PLPPR3: variants seen among roughly 807,000 people sequenced by gnomAD.
The protein encoded by PLPPR3 is phospholipid phosphatase-related protein type 3.
A neutral mutation model predicts 27.3 loss-of-function variants in PLPPR3; 14 were observed. The observed-to-expected ratio is 0.51, with a 90% CI of 0.34 to 0.80. The LOEUF is 0.80. Among genes scored for constraint, PLPPR3 ranks in the 30% least tolerant of loss-of-function variants. PLPPR3 has a pLI of 0.01. For missense variants in PLPPR3, 1,287 were observed against 1,056.9 expected (o/e 1.22, Z -3.02); for synonymous variants, 671 against 508.0 (o/e 1.32, Z -4.32).
chr19:823,262 T>G (rs944050647), upstream of PLPPR3, among the ~76,000 whole-genome samples: 1 of 151,294 alleles, frequency 6.6e-6, no homozygotes, highest in Non-Finnish European at 1.5e-5. Flanking sequence ...GCCAACATGG[T>G]GAAACCCCAT....
At chr19:814,241 GC>G (rs1305912745) in intron 7 of PLPPR3, among the ~76,000 whole-genome samples, 192 bp downstream of exon 7, 1 of 43,786 alleles carries the variant, frequency 2.3e-5, no homozygotes, top group African/African-American at 9.5e-5. Flanking sequence ...CTCTGGGCCA[GC>G]CCCCCGCCAG....
At chr19:820,147 T>G (rs1325706272) in intron 2 of PLPPR3, among the ~76,000 whole-genome samples, 3 of 151,718 alleles carry the variant, frequency 2.0e-5, no homozygotes, top group Non-Finnish European at 4.4e-5. Flanking sequence ...CACCCCAGCC[T>G]TAAGTTACTC....
In PLPPR3 at chr19:813,167, G is replaced by C. The variant is rs1232488545; in HGVS notation, c.1560C>G (p.Leu520=). 1 of 1,520,858 alleles carries C rather than the reference G, an allele frequency of 6.6e-7. No homozygotes were observed. Among genetic ancestry groups the C allele is most frequent in the Admixed American group, 2.0e-5 (1 of 48,992 alleles). The allele number at this position is 1,520,858 out of a possible 1,614,324, so 94.2% of individuals were successfully genotyped here. A position where few individuals can be genotyped will look rare whatever the true frequency, so the allele number is the denominator to read the frequency against. ...KSGAGVRAKW[L]MMAEKSGAAV... Reference sequence around the variant, plus strand: ...CCGCCCCGCTCTTCTCGGCCATCATGAGCCACTTGGCGCGCACCCCGGCGC... The same window carrying C: ...CCGCCCCGCTCTTCTCGGCCATCATCAGCCACTTGGCGCGCACCCCGGCGC... Residue 520 remains leucine, a synonymous_variant, in exon 8 of 8, where the codon CTC becomes CTG. Transcript: ENST00000520876. The surrounding 1 kb of genome is among the most constrained non-coding windows in gnomAD (Gnocchi z 4.1).
chr19:814,140 C>T (rs1373389202), intron 7 of PLPPR3, among the ~76,000 whole-genome samples: 2 of 152,010 alleles, frequency 1.3e-5, no homozygotes, highest in Non-Finnish European at 2.9e-5. Context: ...CCTAAGACCC[C>T]TTCGGGACCC....
chr19:815,105 G>A (rs946132092), intron 4 of PLPPR3, 24 bp from the exon 5 acceptor site: 1 of 1,601,618 alleles, frequency 6.2e-7, no homozygotes, highest in Non-Finnish European at 8.5e-7. Flanking sequence ...GGCTCGGCCA[G>A]GCGGGGAGCT....
intron 2 of PLPPR3, among the ~76,000 whole-genome samples, chr19:818,829 A>T (rs1387037807): frequency 4.0e-5 from 6 of 151,278 alleles, no homozygotes; most frequent in Non-Finnish European, 5.9e-5. Context: ...CACCACGCAC[A>T]GCCTACTAAA....
rs892730377 is a variant in PLPPR3 at position 818,227 on chromosome 19, A to T, written c.76-2376T>A. On this transcript the variant is annotated intron_variant, in intron 2 of 7. Coordinates refer to ENST00000520876, the MANE Select transcript of PLPPR3 (RefSeq NM_001270366.2). ...GTGAAACCCCATCTCTACTAAAAATACAAAAATTAACCCAGCGTGGTGGTG... is the reference window on the plus strand; with the variant it reads ...GTGAAACCCCATCTCTACTAAAAATTCAAAAATTAACCCAGCGTGGTGGTG... Among the ~76,000 whole-genome samples the T allele has an allele frequency of 2.0e-5, 3 of 152,096 alleles. No individual in the cohort carries two copies. In the South Asian group the frequency reaches 6.2e-4, roughly 32 times the overall value.
chr19:822,392 G>GC (rs2035162467), upstream of PLPPR3, among the ~76,000 whole-genome samples: 1 of 151,792 alleles, frequency 6.6e-6, no homozygotes, highest in African/African-American at 2.4e-5. Flanking sequence ...GCCTCCGCCC[G>GC]CCCCTCCGCG....
At chr19:823,488 GC>G (rs1303938665), upstream of PLPPR3, among the ~76,000 whole-genome samples, 1 of 150,992 alleles carries the variant, frequency 6.6e-6, no homozygotes, top group Non-Finnish European at 1.5e-5. Flanking sequence ...GAGGGTTGGA[GC>G]CCTGCTAGAT....
chr19:813,956 C>A lies in PLPPR3; in HGVS notation c.832-61G>T, dbSNP rs149906063. 8.4e-4 allele frequency: 1,184 copies of A among 1,404,188 alleles called. 11 individuals carry two copies. The African/African-American group carries it at 0.016, about 19-fold the overall frequency. 87.0% of individuals were successfully genotyped at this position (1,404,188 alleles called of 1,614,324 possible). A position where few individuals can be genotyped will look rare whatever the true frequency, so the allele number is the denominator to read the frequency against. On this transcript the variant is annotated intron_variant, in intron 7 of 7. Transcript: ENST00000520876. The surrounding 1 kb of genome is among the most constrained non-coding windows in gnomAD (Gnocchi z 4.1). ...GCTCAGAGGGCTCCTCCCCTGTGATCGTTGGACTTGCCGCGGGGGGCTCTG... is the reference window on the plus strand; with the variant it reads ...GCTCAGAGGGCTCCTCCCCTGTGATAGTTGGACTTGCCGCGGGGGGCTCTG...
intron 2 of PLPPR3, among the ~76,000 whole-genome samples, chr19:819,041 G>T (rs528871029): frequency 9.3e-6 from 1 of 107,414 alleles, no homozygotes; most frequent in Admixed American, 1.0e-4. Context: ...CAGTGGAACA[G>T]TCTCAGCTCA....
At chr19:814,037 G>A (rs2035004538) in intron 7 of PLPPR3, 142 bp from the exon 8 acceptor site, 1 of 793,886 alleles carries the variant, frequency 1.3e-6, no homozygotes, top group South Asian at 2.0e-5. Context: ...CCCACCCCAA[G>A]GTTGCTGACC....
chr19:821,791 A>C, intron 1 of PLPPR3, 124 bp downstream of exon 1: 4 of 240,964 alleles, frequency 1.7e-5, no homozygotes, highest in Non-Finnish European at 2.3e-5. Context: ...GGGATCGCCG[A>C]GGAGGGCGGG....
At position 813,931 on chromosome 19, in the gene PLPPR3, G is replaced by A; in HGVS notation, c.832-36C>T. The A allele has an allele frequency of 7.1e-7, 1 of 1,415,098 alleles. No homozygotes were observed. The highest frequency in any genetic ancestry group is 1.5e-5 in the South Asian group (1 of 65,624). 87.7% of individuals were successfully genotyped at this position (1,415,098 alleles called of 1,614,324 possible). On this transcript the variant is annotated intron_variant, in intron 7 of 7. Transcript: ENST00000520876. The surrounding 1 kb of genome is among the most constrained non-coding windows in gnomAD (Gnocchi z 4.1). Reference sequence around the variant, plus strand: ...GAGGGGTCTGGGGGTGAGGCCTGGGGCTCAGAGGGCTCCTCCCCTGTGATC... The same window carrying A: ...GAGGGGTCTGGGGGTGAGGCCTGGGACTCAGAGGGCTCCTCCCCTGTGATC...
At chr19:820,434 C>T (rs565162422) in intron 2 of PLPPR3, among the ~76,000 whole-genome samples, 9 of 152,288 alleles carry the variant, frequency 5.9e-5, no homozygotes, top group Admixed American at 2.0e-4. Flanking sequence ...ATCCTCCCAC[C>T]TCAGTCTCCC....
upstream of PLPPR3, among the ~76,000 whole-genome samples, chr19:823,783 C>T (rs1057245188): frequency 3.9e-5 from 6 of 152,206 alleles, no homozygotes; most frequent in Non-Finnish European, 7.3e-5. Flanking sequence ...CCCAACAGCC[C>T]TGGAGAAGGG....
In PLPPR3 at chr19:815,459, C is replaced by T. The variant is rs887590682; in HGVS notation, c.262-132G>A. Reference sequence around the variant, plus strand: ...TGTTCACCGAGGTGGCGGGGGTGGGCTCCCAGCCGTGGTGCCCACAGGCTG... The same window carrying T: ...TGTTCACCGAGGTGGCGGGGGTGGGTTCCCAGCCGTGGTGCCCACAGGCTG... On this transcript the variant is annotated intron_variant, in intron 3 of 7. Transcript: ENST00000520876. 13 of 1,073,680 alleles carry T rather than the reference C, an allele frequency of 1.2e-5. 2 individuals are homozygous for T. The African/African-American group carries it at 3.3e-4, about 27-fold the overall frequency. The allele number at this position is 1,073,680 out of a possible 1,614,324, so 66.5% of individuals were successfully genotyped here. A position where few individuals can be genotyped will look rare whatever the true frequency, so the allele number is the denominator to read the frequency against.
At chr19:821,365 GC>G in intron 2 of PLPPR3, 119 bp downstream of exon 2, 1 of 785,936 alleles carries the variant, frequency 1.3e-6, no homozygotes, top group Non-Finnish European at 1.9e-6. Flanking sequence ...CCCCGGTCCT[GC>G]CCCGCCCCGA....
rs1249582389 is a variant in PLPPR3, at chr19:813,070, C to T, written c.1657G>A (p.Ala553Thr). 6.0e-6 allele frequency: 9 copies of T among 1,500,328 alleles called. No individual in the cohort carries two copies. The highest frequency in any genetic ancestry group is 7.0e-6 in the Non-Finnish European group (8 of 1,135,618). The allele number at this position is 1,500,328 out of a possible 1,614,324, so 92.9% of individuals were successfully genotyped here. A position where few individuals can be genotyped will look rare whatever the true frequency, so the allele number is the denominator to read the frequency against. The change falls in exon 8 of 8, where the codon GCG becomes ACG. Residue 553 changes from alanine (A) to threonine (T), a missense_variant. By Grantham distance (58) the Ala-to-Thr change is moderately conservative. Coordinates refer to ENST00000520876, the MANE Select transcript of PLPPR3 (RefSeq NM_001270366.2). The surrounding 1 kb of genome is among the most constrained non-coding windows in gnomAD (Gnocchi z 4.1). ...CTGGACGACGACGCCGTCTCGGCCG[C>T]CTTGGGGCCCGGCGCGCCCGGAGCC... ...SKAPGAPGPK[A>T]AETASSSSAS...
Sources: gnomAD v4.1 joint callset for allele counts (sites outside exome capture counted in the v4.1 genomes callset) on GRCh38, gnomAD v4.1.1 for gene constraint, Gnocchi (gnomAD v3.1) non-coding constraint, MANE v1.5 for transcripts, NCBI Gene and HGNC (gene_info 2026-07-23, HGNC 2026-07-21) for gene names.